Variants in LPCAT1 observed in about 807,000 individuals in gnomAD.
LPCAT1 encodes 1-acylglycerol-3-phosphate O-acyltransferase.
Under a neutral mutation model 60.9 loss-of-function variants are expected in LPCAT1, and 23 were observed. That is an observed-to-expected ratio of 0.38 (90% CI 0.27 to 0.53). The LOEUF (loss-of-function observed/expected upper bound fraction) is 0.53, where lower values mean the gene tolerates loss of function less well. Ranked by LOEUF, LPCAT1 falls within the 20% of genes least tolerant of loss-of-function variation. The probability of loss-of-function intolerance (pLI) is 0.82; values close to 1 mark genes in which losing one functional copy is unlikely to be tolerated. For synonymous variants in LPCAT1, 340 were observed against 301.1 expected (o/e 1.13, Z -1.34); for missense variants, 622 against 723.6 (o/e 0.86, Z 1.61).
At chr5:1,473,882 T>C in intron 11 of LPCAT1, 75 bp downstream of exon 11, 2 of 1,533,876 alleles carry the variant, frequency 1.3e-6, no homozygotes, top group Non-Finnish European at 1.8e-6. Flanking sequence ...ATATTTATAT[T>C]AGAATGAGAA....
chr5:1,502,203 C>G lies in LPCAT1; in HGVS notation c.136-600G>C, dbSNP rs866230485. 6.6e-6 allele frequency among the ~76,000 whole-genome samples: 1 copy of G among 152,134 alleles called. No homozygotes were observed. The highest frequency in any genetic ancestry group is 1.5e-5 in the Non-Finnish European group (1 of 68,018). ...CCTGCAAATTCAAGGGCCACTCTGACGCACAGCACACAACCCCAGGCAGCT... is the reference window on the plus strand; with the variant it reads ...CCTGCAAATTCAAGGGCCACTCTGAGGCACAGCACACAACCCCAGGCAGCT... On this transcript the variant is annotated intron_variant, in intron 1 of 13. Coordinates refer to ENST00000283415, the MANE Select transcript of LPCAT1 (RefSeq NM_024830.5). The surrounding 1 kb of genome is among the most constrained non-coding windows in gnomAD (Gnocchi z 5.5).
Position 1,523,764 on chromosome 5 carries a change from C to T in LPCAT1, c.81G>A (p.Pro27=), listed in dbSNP as rs1736748644. The change falls in exon 1 of 14, where the codon CCG becomes CCA. Residue 27 remains proline (P), a synonymous_variant. Coordinates refer to ENST00000283415, the MANE Select transcript of LPCAT1 (RefSeq NM_024830.5). This position sits in a 1 kb window ranked among gnomAD's most constrained non-coding sequence, Gnocchi z 7.1. The part of the protein sequence containing the change: ...GASDARLLAP[P]GRNPFVHELR... ...GCTCGTGCACGAAGGGGTTCCGCCC[C>T]GGGGGCGCCAGCAGCCGAGCGTCGC... The T allele has an allele frequency of 1.7e-6, 2 of 1,158,170 alleles. No individual in the cohort carries two copies. The highest frequency in any genetic ancestry group is 4.6e-5 in the Admixed American group (1 of 21,686). The allele number at this position is 1,158,170 out of a possible 1,614,324, so 71.7% of individuals were successfully genotyped here.
At chr5:1,467,566 C>T (rs1201541930) in intron 12 of LPCAT1, among the ~76,000 whole-genome samples, 1 of 152,162 alleles carries the variant, frequency 6.6e-6, no homozygotes, top group South Asian at 2.1e-4. Flanking sequence ...CACAACTCCA[C>T]GGCGCTCCCC....
Position 1,464,880 on chromosome 5 carries a change from CAA to C in LPCAT1, c.1421-1047_1421-1046del, listed in dbSNP as rs34776767. ...CACAGTAAACACATGCGTGTACACA[CAA>C]ACAAGTGCACACACACACTAACTAA... is the stretch of plus-strand genomic sequence containing the variant. On this transcript the variant is annotated intron_variant, in intron 13 of 13. Transcript: ENST00000283415. 4.0e-3 allele frequency among the ~76,000 whole-genome samples: 602 copies of C among 150,504 alleles called. 3 individuals carry two copies. The highest frequency in any genetic ancestry group is 0.014 in the African/African-American group (558 of 40,956).
At chr5:1,482,416 G>C (rs1033855261) in intron 6 of LPCAT1, among the ~76,000 whole-genome samples, 1 of 108,618 alleles carries the variant, frequency 9.2e-6, no homozygotes, top group African/African-American at 3.9e-5. Flanking sequence ...CGGGGCCAGG[G>C]GGTGGGGCTG....
Position 1,480,394 on chromosome 5 carries a change from C to T in LPCAT1, c.761+548G>A. 1.0e-6 allele frequency: 1 copy of T among 985,340 alleles called. No individual in the cohort carries two copies. Among genetic ancestry groups the T allele is most frequent in the Non-Finnish European group, 1.2e-6 (1 of 829,870 alleles). The allele number at this position is 985,340 out of a possible 1,614,324, so 61.0% of individuals were successfully genotyped here. A position where few individuals can be genotyped will look rare whatever the true frequency, so the allele number is the denominator to read the frequency against. ...TGGACTTTCCCGCTCCCTCTGCCCT[C>T]CCGACGTCAGCTCAGACGTCAGCAC... On this transcript the variant is annotated intron_variant, in intron 7 of 13. Transcript: ENST00000283415. This position sits in a 1 kb window ranked among gnomAD's most constrained non-coding sequence, Gnocchi z 6.4.
intron 4 of LPCAT1, among the ~76,000 whole-genome samples, chr5:1,488,993 G>A (rs1294987359): frequency 6.6e-6 from 1 of 152,240 alleles, no homozygotes; most frequent in Non-Finnish European, 1.5e-5. Context: ...CTGGCCTGCA[G>A]TAGCAAAAAC....
At chr5:1,497,618 G>A (rs1252127247) in intron 2 of LPCAT1, among the ~76,000 whole-genome samples, 3 of 152,254 alleles carry the variant, frequency 2.0e-5, no homozygotes, top group Non-Finnish European at 4.4e-5. Flanking sequence ...CCCCTGGGTG[G>A]CTGGTGGGAG....
chr5:1,466,253 G>A (rs1375560746), intron 13 of LPCAT1, among the ~76,000 whole-genome samples: 4 of 152,188 alleles, frequency 2.6e-5, no homozygotes, highest in African/African-American at 9.7e-5. Flanking sequence ...CGTGTTACCA[G>A]TCACCTCATC....
chr5:1,495,006 A>G lies in LPCAT1; in HGVS notation c.279-92T>C, dbSNP rs1194092528. On this transcript the variant is annotated intron_variant, in intron 2 of 13. Transcript: ENST00000283415. This position sits in a 1 kb window ranked among gnomAD's most constrained non-coding sequence, Gnocchi z 4.7. The stretch of plus-strand genomic sequence containing the variant: ...GGGCGGTCCCACGGGAGAGCCCTCC[A>G]GGGCGCAGTCCAGGCCACGGGCTTC... The G allele has an allele frequency of 4.8e-6, 6 of 1,243,038 alleles. No homozygotes were observed. Among genetic ancestry groups the G allele is most frequent in the African/African-American group, 1.5e-5 (1 of 67,188 alleles). The allele number at this position is 1,243,038 out of a possible 1,614,324, so 77.0% of individuals were successfully genotyped here. A position where few individuals can be genotyped will look rare whatever the true frequency, so the allele number is the denominator to read the frequency against.
intron 12 of LPCAT1, among the ~76,000 whole-genome samples, chr5:1,467,839 G>A (rs1226019078): frequency 7.2e-5 from 11 of 152,042 alleles, no homozygotes. Context: ...GTTCTTCCCC[G>A]AGTCCTCTGC....
chr5:1,509,157 CGCCCGG>C (rs1736277838), intron 1 of LPCAT1, among the ~76,000 whole-genome samples: 1 of 152,266 alleles, frequency 6.6e-6, no homozygotes, highest in Non-Finnish European at 1.5e-5. Flanking sequence ...CAAAGGATGG[CGCCCGG>C]AGACTCGAAG....
rs534569207 is a variant in LPCAT1 at position 1,514,781 on chromosome 5, T to C, written c.135+8929A>G. On this transcript the variant is annotated intron_variant, in intron 1 of 13. Coordinates refer to ENST00000283415, the MANE Select transcript of LPCAT1 (RefSeq NM_024830.5). ...GATCATTCCAACAAAAAGGTCCCCC[T>C]GCGTGCTCCGCCAGGACCCCACCTT... Among the ~76,000 whole-genome samples, 126 of 152,194 alleles carry C rather than the reference T, an allele frequency of 8.3e-4. 2 individuals are homozygous for C. The South Asian group carries it at 0.015, about 19-fold the overall frequency.
Position 1,474,016 on chromosome 5 carries a change from C to A in LPCAT1, c.1120G>T (p.Ala374Ser), listed in dbSNP as rs148005551. ...GEKIGIAEFA[A>S]SLEVPVSDLL... ...TCAGAAACGGGGACTTCCAGGGAGG[C>A]GGCAAACTCCGCAATACCTATCTTC... The change falls in exon 11 of 14, where the codon GCC becomes TCC. Residue 374 changes from alanine (A) to serine (S), a missense_variant. Transcript: ENST00000283415. 1.2e-6 allele frequency: 2 copies of A among 1,614,050 alleles called. No homozygotes were observed. Among genetic ancestry groups the A allele is most frequent in the Non-Finnish European group, 1.7e-6 (2 of 1,180,050 alleles).
intron 1 of LPCAT1, among the ~76,000 whole-genome samples, chr5:1,515,336 T>G (rs1349055112): frequency 6.8e-6 from 1 of 147,824 alleles, no homozygotes; most frequent in East Asian, 2.0e-4. Flanking sequence ...CCGAACTGGC[T>G]GCAGATACAG....
intron 8 of LPCAT1, 137 bp downstream of exon 8, chr5:1,479,484 C>A: frequency 1.4e-6 from 1 of 696,840 alleles, no homozygotes; most frequent in Non-Finnish European, 2.6e-6. Context: ...TCGAAGGAGC[C>A]CTGAGAAACG....
intron 7 of LPCAT1, 100 bp from the exon 8 acceptor site, chr5:1,479,775 A>T: frequency 1.1e-6 from 1 of 923,642 alleles, no homozygotes; most frequent in Non-Finnish European, 1.7e-6. Flanking sequence ...CGCCCTCCAG[A>T]GGGCGCTACT....
In LPCAT1 at chr5:1,495,142, G is replaced by A. The variant is rs1046000192; in HGVS notation, c.279-228C>T. On this transcript the variant is annotated intron_variant, in intron 2 of 13. Coordinates refer to ENST00000283415, the MANE Select transcript of LPCAT1 (RefSeq NM_024830.5). The surrounding 1 kb of genome is among the most constrained non-coding windows in gnomAD (Gnocchi z 4.7). ...CGCTCTCACCTACGAAGGAGGCCGC[G>A]GGGCCCTGTGTGGTGGTCACGGGCC... 2.6e-5 allele frequency among the ~76,000 whole-genome samples: 4 copies of A among 152,334 alleles called. No individual in the cohort carries two copies. The highest frequency in any genetic ancestry group is 2.6e-4 in the Admixed American group (4 of 15,312).
In LPCAT1 at chr5:1,466,881, C is replaced by A; in HGVS notation, c.1288G>T (p.Ala430Ser). Reference sequence around the variant, plus strand: ...TCGCCGACGCTGCCGTCCTCTTGCGCTCCGTACATCTGCAAGGCAAACTGG... The same window carrying A: ...TCGCCGACGCTGCCGTCCTCTTGCGATCCGTACATCTGCAAGGCAAACTGG... ...TIQLAFKMYG[A>S]QEDGSVGEGD... The change falls in exon 13 of 14, where the codon GCG becomes TCG. Residue 430 changes from alanine (A) to serine (S), a missense_variant. Ala to Ser is a moderately conservative substitution (Grantham distance 99, BLOSUM62 1). This residue lies in a region of LPCAT1 where 288 missense variants were observed against 283.6 expected (regional missense o/e 1.02). Transcript: ENST00000283415. 1 of 1,595,924 alleles carries A rather than the reference C, an allele frequency of 6.3e-7. No individual in the cohort carries two copies. Among genetic ancestry groups the A allele is most frequent in the Non-Finnish European group, 8.6e-7 (1 of 1,169,118 alleles).
Sources: gnomAD v4.1 joint callset for allele counts (sites outside exome capture counted in the v4.1 genomes callset) on GRCh38, gnomAD v4.1.1 for gene constraint, gnomAD v4.1.1 regional missense constraint, Gnocchi (gnomAD v3.1) non-coding constraint, MANE v1.5 for transcripts, NCBI Gene and HGNC (gene_info 2026-07-23, HGNC 2026-07-21) for gene names.